Variants in TNRC6A observed in about 807,000 individuals in gnomAD.
TNRC6A encodes the protein trinucleotide repeat containing adaptor 6A.
TNRC6A carries 44 observed loss-of-function variants against 221.2 expected under a neutral mutation model. The ratio of observed to expected loss-of-function variants is 0.20; its 90% CI spans 0.16 to 0.26. TNRC6A has a LOEUF of 0.26. Ranked by LOEUF, TNRC6A falls within the 10% of genes least tolerant of loss-of-function variation. The pLI, the probability that TNRC6A is intolerant of heterozygous loss-of-function variation, is 1.00. For missense variants in TNRC6A, 2,199 were observed against 2,404.4 expected (o/e 0.91, Z 1.79); for synonymous variants, 847 against 838.5 (o/e 1.01, Z -0.18).
intron 23 of TNRC6A, 115 bp downstream of exon 23, chr16:24,822,262 A>G (rs1462335932): frequency 5.0e-6 from 5 of 993,618 alleles, no homozygotes; most frequent in Middle Eastern, 3.0e-4. Flanking sequence ...GAGCAGAGGA[A>G]ACAGCAGAGG....
chr16:24,798,323 A>G (rs1384652233), intron 11 of TNRC6A, among the ~76,000 whole-genome samples: 1 of 152,222 alleles, frequency 6.6e-6, no homozygotes, highest in Non-Finnish European at 1.5e-5. Flanking sequence ...TGAGTCAAGA[A>G]AAACAGTTTT....
At chr16:24,618,712 G>A (rs535428082) in intron 1 of TNRC6A, among the ~76,000 whole-genome samples, 18 of 132,304 alleles carry the variant, frequency 1.4e-4, no homozygotes, top group Admixed American at 2.6e-4. Flanking sequence ...GTACACTGGC[G>A]CAACCATGGC....
At chr16:24,695,857 G>C (rs1046744770) in intron 2 of TNRC6A, among the ~76,000 whole-genome samples, 1 of 152,100 alleles carries the variant, frequency 6.6e-6, no homozygotes, top group Admixed American at 6.6e-5. Flanking sequence ...CCAATCACTG[G>C]TTGCCTAGGG....
At chr16:24,687,079 A>G (rs1006698681) in intron 2 of TNRC6A, among the ~76,000 whole-genome samples, 2 of 152,208 alleles carry the variant, frequency 1.3e-5, no homozygotes, top group Non-Finnish European at 2.9e-5. Context: ...ATGCACTTAG[A>G]ACAATGCTTT....
chr16:24,669,499 AAT>A (rs2055245202), intron 2 of TNRC6A, among the ~76,000 whole-genome samples: 1 of 151,962 alleles, frequency 6.6e-6, no homozygotes, highest in Non-Finnish European at 1.5e-5. Flanking sequence ...AAAAAAAAAA[AAT>A]CCTATAGCTC....
chr16:24,817,612 T>TC (rs2058681199), intron 20 of TNRC6A, among the ~76,000 whole-genome samples: 2 of 152,314 alleles, frequency 1.3e-5, no homozygotes, highest in African/African-American at 4.8e-5. Flanking sequence ...TAGATGTGTT[T>TC]CATCCATGAT....
At position 24,793,556 on chromosome 16, in the gene TNRC6A, A is replaced by C; in HGVS notation, c.3259A>C (p.Ser1087Arg). The change falls in exon 7 of 25, where the codon AGT (serine) becomes CGT (arginine). Residue 1087 changes from serine (S) to arginine (R), a missense_variant. Physicochemically the swap from Ser to Arg is moderately radical, Grantham distance 110. Transcript: ENST00000395799. ...TTCAGCATGGGGTAAGCCCATAGAC[A>C]GTGGTCCCAGCTGGGGGGAACCCAT... ...GTSAWGKPID[S>R]GPSWGEPIAA... 1.3e-6 allele frequency: 2 copies of C among 1,575,210 alleles called. No individual in the cohort carries two copies. Among genetic ancestry groups the C allele is most frequent in the Non-Finnish European group, 1.7e-6 (2 of 1,159,978 alleles).
chr16:24,704,082 CAA>C (rs34569194), intron 2 of TNRC6A, among the ~76,000 whole-genome samples: 46 of 132,958 alleles, frequency 3.5e-4, no homozygotes, highest in Non-Finnish European at 3.4e-4. Context: ...GACCTTGTAT[CAA>C]AAAAAAAAAA....
At chr16:24,693,264 A>C (rs2055791558) in intron 2 of TNRC6A, among the ~76,000 whole-genome samples, 1 of 151,696 alleles carries the variant, frequency 6.6e-6, no homozygotes, top group Admixed American at 6.6e-5. Context: ...AGACCAGCGT[A>C]AGCAAAGTGA....
chr16:24,796,995 A>G (rs1206421480), intron 9 of TNRC6A, among the ~76,000 whole-genome samples: 1 of 152,200 alleles, frequency 6.6e-6, no homozygotes, highest in African/African-American at 2.4e-5. Context: ...CACAAATTGA[A>G]ATTTTAAAAT....
rs10713054 is a variant in TNRC6A, at chr16:24,699,722, C to CA, written n.403-50988dup. Reference sequence around the variant, plus strand: ...CAACAGAATGGAACCCTGTCTCTACCAAAAAAAAAAAAAAAAGCTTCTGAG... The same window carrying CA: ...CAACAGAATGGAACCCTGTCTCTACCAAAAAAAAAAAAAAAAAGCTTCTGAG... On this transcript the variant is annotated intron_variant and non_coding_transcript_variant, in intron 2 of 2. Transcript: ENST00000566108. 7.7e-3 allele frequency among the ~76,000 whole-genome samples: 744 copies of CA among 96,364 alleles called. 7 individuals carry two copies. The highest frequency in any genetic ancestry group is 0.021 in the African/African-American group (514 of 24,138). The allele number at this position is 96,364 out of a possible 152,430, so 63.2% of individuals were successfully genotyped here. A position where few individuals can be genotyped will look rare whatever the true frequency, so the allele number is the denominator to read the frequency against.
intron 20 of TNRC6A, among the ~76,000 whole-genome samples, chr16:24,818,204 G>A (rs1248838561): frequency 1.3e-5 from 2 of 152,204 alleles, no homozygotes; most frequent in African/African-American, 4.8e-5. Context: ...GTGCCTTAGA[G>A]AGCAGGATAG....
intron 2 of TNRC6A, among the ~76,000 whole-genome samples, chr16:24,656,880 G>A (rs1327099973): frequency 1.3e-5 from 2 of 152,070 alleles, no homozygotes; most frequent in African/African-American, 4.8e-5. Context: ...CATAAAAGAA[G>A]TATGAAAAAG....
rs184875000 is a variant in TNRC6A at position 24,776,803 on chromosome 16, A to G, written c.164-130A>G. 4.4e-5 allele frequency: 65 copies of G among 1,486,688 alleles called. No individual in the cohort carries two copies. In the African/African-American group the frequency reaches 7.7e-4, roughly 18 times the overall value. 92.1% of individuals were successfully genotyped at this position (1,486,688 alleles called of 1,614,324 possible). A position where few individuals can be genotyped will look rare whatever the true frequency, so the allele number is the denominator to read the frequency against. On this transcript the variant is annotated intron_variant, in intron 4 of 24. Coordinates refer to ENST00000395799, the MANE Select transcript of TNRC6A (RefSeq NM_014494.4). Reference sequence around the variant, plus strand: ...AAAATTTGAGCCTGTAAATGAGGATATCCCTGCTCACAGAAAGCTTCTGTT... The same window carrying G: ...AAAATTTGAGCCTGTAAATGAGGATGTCCCTGCTCACAGAAAGCTTCTGTT...
chr16:24,812,199 G>A (rs1001942112), intron 18 of TNRC6A, among the ~76,000 whole-genome samples: 4 of 151,746 alleles, frequency 2.6e-5, no homozygotes, highest in Non-Finnish European at 5.9e-5. Context: ...TTACAGGTGT[G>A]TGTCACCACA....
At chr16:24,730,910 T>A (rs979158947) in intron 2 of TNRC6A, among the ~76,000 whole-genome samples, 3 of 151,888 alleles carry the variant, frequency 2.0e-5, no homozygotes, top group Admixed American at 6.6e-5. Context: ...TAATTAAAAA[T>A]CTTTTCTCCA....
chr16:24,727,766 A>T (rs1047437234), upstream of TNRC6A, among the ~76,000 whole-genome samples: 1 of 152,202 alleles, frequency 6.6e-6, no homozygotes, highest in Admixed American at 6.5e-5. Context: ...TAAACTCCTA[A>T]TGAAACACCA....
intron 2 of TNRC6A, among the ~76,000 whole-genome samples, chr16:24,745,439 T>A (rs1318846356): frequency 6.6e-6 from 1 of 152,096 alleles, no homozygotes; most frequent in Non-Finnish European, 1.5e-5. Flanking sequence ...TAGAAGAAGG[T>A]GGGATCTGCA....
chr16:24,789,157 A>G, intron 5 of TNRC6A, 75 bp from the exon 6 acceptor site: 4 of 1,409,566 alleles, frequency 2.8e-6, no homozygotes, highest in Non-Finnish European at 3.8e-6. Flanking sequence ...CATATTCGTC[A>G]TTTTTCTTAG....
Sources: gnomAD v4.1 joint callset for allele counts (sites outside exome capture counted in the v4.1 genomes callset) on GRCh38, gnomAD v4.1.1 for gene constraint, MANE v1.5 for transcripts, NCBI Gene and HGNC (gene_info 2026-07-23, HGNC 2026-07-21) for gene names.